KDM4D: variants seen among roughly 807,000 people sequenced by gnomAD.
KDM4D encodes lysine-specific demethylase 4D.
For missense variants in KDM4D, 427 were observed against 674.8 expected (o/e 0.63, Z 4.07); for synonymous variants, 254 against 249.1 (o/e 1.02, Z -0.19).
At chr11:94,987,844 T>G (rs1857901167) in intron 2 of KDM4D, among the ~76,000 whole-genome samples, 1 of 151,940 alleles carries the variant, frequency 6.6e-6, no homozygotes, top group Non-Finnish European at 1.5e-5. Flanking sequence ...TCCTGGAAAT[T>G]AAAAATAATT....
chr11:94,999,242 C>A lies in KDM4D; in HGVS notation c.*298C>A. On this transcript the variant is annotated 3_prime_UTR_variant, in exon 3 of 3. Coordinates refer to ENST00000335080, the MANE Select transcript of KDM4D (RefSeq NM_018039.3). ...GAGAACTAGGTCTTGTTGAGGTTAGCGTAACCTGGTATATGCAACTACCAT... is the reference window on the plus strand; with the variant it reads ...GAGAACTAGGTCTTGTTGAGGTTAGAGTAACCTGGTATATGCAACTACCAT... The A allele has an allele frequency of 4.1e-6, 1 of 241,838 alleles. No individual in the cohort carries two copies. Among genetic ancestry groups the A allele is most frequent in the African/African-American group, 2.3e-5 (1 of 44,180 alleles). The allele number at this position is 241,838 out of a possible 1,614,324, so 15.0% of individuals were successfully genotyped here. A position where few individuals can be genotyped will look rare whatever the true frequency, so the allele number is the denominator to read the frequency against.
chr11:94,990,572 C>T (rs1198495377), intron 2 of KDM4D, among the ~76,000 whole-genome samples: 2 of 152,128 alleles, frequency 1.3e-5, no homozygotes, highest in Admixed American at 1.3e-4. Context: ...CCAAACCTCA[C>T]TAAAGTGACA....
intron 1 of KDM4D, among the ~76,000 whole-genome samples, chr11:94,974,639 C>G (rs1276320050): frequency 6.6e-6 from 1 of 152,192 alleles, no homozygotes; most frequent in African/African-American, 2.4e-5. Flanking sequence ...CTTAACAAGT[C>G]TCACTAAAAG....
intron 2 of KDM4D, among the ~76,000 whole-genome samples, chr11:94,994,290 C>A (rs1857959165): frequency 6.6e-6 from 1 of 152,090 alleles, no homozygotes; most frequent in African/African-American, 2.4e-5. Context: ...GGAGAAAGAT[C>A]ATCAATTTGT....
Position 94,986,867 on chromosome 11 carries a change from T to A in KDM4D, c.-349-10157T>A, listed in dbSNP as rs587699572. 3.3e-5 allele frequency among the ~76,000 whole-genome samples: 5 copies of A among 152,334 alleles called. No homozygotes were observed. In the East Asian group the frequency reaches 9.6e-4, roughly 29 times the overall value. On this transcript the variant is annotated intron_variant, in intron 2 of 2. Transcript: ENST00000335080. ...GTTCACACATAAACTTGTACATGAATGTTCATAACAGTATTATTCGTAATA... is the reference window on the plus strand; with the variant it reads ...GTTCACACATAAACTTGTACATGAAAGTTCATAACAGTATTATTCGTAATA...
chr11:94,994,778 G>A (rs1857962895), intron 2 of KDM4D, among the ~76,000 whole-genome samples: 1 of 151,830 alleles, frequency 6.6e-6, no homozygotes, highest in African/African-American at 2.4e-5. Context: ...GGCAGGACCT[G>A]GGGTTGGGTG....
chr11:94,985,828 C>G (rs2134111785), intron 2 of KDM4D, among the ~76,000 whole-genome samples: 1 of 152,220 alleles, frequency 6.6e-6, no homozygotes, highest in African/African-American at 2.4e-5. Context: ...AGAAAGAAAA[C>G]AAATGGTGCT....
At chr11:94,975,085 G>A (rs1408702193) in intron 1 of KDM4D, among the ~76,000 whole-genome samples, 3 of 152,264 alleles carry the variant, frequency 2.0e-5, no homozygotes, top group African/African-American at 4.8e-5. Context: ...ACAGCCAAGT[G>A]GGCATTTCTG....
At position 94,998,473 on chromosome 11, in the gene KDM4D, C is replaced by T; in HGVS notation, c.1101C>T (p.Pro367=). Residue 367 remains proline (P), a synonymous_variant, in exon 3 of 3, where the codon CCC becomes CCT. Transcript: ENST00000335080. This position sits in a 1 kb window ranked among gnomAD's most constrained non-coding sequence, Gnocchi z 6.7. ...GCACCCAGAAGGAAGTCCAGTTACC[C>T]AGGAGAGCAGCGCTGGGCCTGAGAC... The part of the protein sequence containing the change: ...ELSTQKEVQL[P]RRAALGLRQL... The T allele has an allele frequency of 6.2e-6, 10 of 1,612,766 alleles. No individual in the cohort carries two copies. The highest frequency in any genetic ancestry group is 8.5e-6 in the Non-Finnish European group (10 of 1,180,008).
intron 2 of KDM4D, among the ~76,000 whole-genome samples, chr11:94,980,794 C>T (rs1216315202): frequency 6.6e-6 from 1 of 152,164 alleles, no homozygotes; most frequent in Admixed American, 6.5e-5. Context: ...GCTAAGCTCT[C>T]TTATTAATTC....
At chr11:94,992,441 T>A (rs1857942826) in intron 2 of KDM4D, among the ~76,000 whole-genome samples, 1 of 151,960 alleles carries the variant, frequency 6.6e-6, no homozygotes, top group Non-Finnish European at 1.5e-5. Context: ...AGACTAATAT[T>A]TATGAAAAAA....
rs146033859 is a variant in KDM4D at position 94,984,654 on chromosome 11, G to A, written c.-350+8906G>A. 1.8e-3 allele frequency among the ~76,000 whole-genome samples: 256 copies of A among 146,162 alleles called. 1 individual carries two copies. Among genetic ancestry groups the A allele is most frequent in the African/African-American group, 6.1e-3 (241 of 39,320 alleles). On this transcript the variant is annotated intron_variant, in intron 2 of 2. Transcript: ENST00000335080. The stretch of plus-strand genomic sequence containing the variant: ...GCAGATCACCTGAGGTCAGGAGTTC[G>A]AGACCACCCTAACCAACATGGTGAA...
intron 2 of KDM4D, among the ~76,000 whole-genome samples, chr11:94,993,011 G>T (rs1857947998): frequency 6.6e-6 from 1 of 152,094 alleles, no homozygotes; most frequent in African/African-American, 2.4e-5. Flanking sequence ...TGAAGTAATA[G>T]ATTTGAAATA....
intron 2 of KDM4D, among the ~76,000 whole-genome samples, chr11:94,986,219 C>G (rs1406687513): frequency 6.6e-6 from 1 of 151,960 alleles, no homozygotes; most frequent in Non-Finnish European, 1.5e-5. Flanking sequence ...AGAAATTTCT[C>G]CAAATATATA....
At chr11:94,982,842 T>TA (rs1857853747) in intron 2 of KDM4D, among the ~76,000 whole-genome samples, 2 of 152,042 alleles carry the variant, frequency 1.3e-5, no homozygotes, top group South Asian at 4.1e-4. Context: ...GCTTCATTGA[T>TA]ATACATGCAA....
At chr11:94,977,213 A>T (rs1002113250) in intron 2 of KDM4D, among the ~76,000 whole-genome samples, 1 of 152,228 alleles carries the variant, frequency 6.6e-6, no homozygotes, top group Admixed American at 6.5e-5. Context: ...GGATTATCAC[A>T]TTACAGCATC....
chr11:94,997,072 C>T lies in KDM4D; in HGVS notation c.-301C>T, dbSNP rs1011426235. 1.7e-4 allele frequency: 39 copies of T among 233,426 alleles called. No homozygotes were observed. The highest frequency in any genetic ancestry group is 6.5e-5 in the Non-Finnish European group (8 of 122,202). The allele number at this position is 233,426 out of a possible 1,614,324, so 14.5% of individuals were successfully genotyped here. On this transcript the variant is annotated 5_prime_UTR_variant, in exon 3 of 3. Transcript: ENST00000335080. ...ATTCTCTGCTACATTTGGGTCGTAC[C>T]CCCAGGTCTGAGTAATTCAATAGAC...
chr11:94,978,880 A>G (rs1406762425), intron 2 of KDM4D, among the ~76,000 whole-genome samples: 2 of 152,188 alleles, frequency 1.3e-5, no homozygotes, highest in Non-Finnish European at 2.9e-5. Context: ...GAAAATTACT[A>G]TCGGACATGT....
At chr11:94,976,716 G>A (rs1009374234) in intron 2 of KDM4D, among the ~76,000 whole-genome samples, 1 of 152,086 alleles carries the variant, frequency 6.6e-6, no homozygotes, top group African/African-American at 2.4e-5. Context: ...ATGTAGTTTG[G>A]CCCTTGATTG....
Sources: gnomAD v4.1 joint callset for allele counts (sites outside exome capture counted in the v4.1 genomes callset) on GRCh38, gnomAD v4.1.1 for gene constraint, Gnocchi (gnomAD v3.1) non-coding constraint, MANE v1.5 for transcripts, NCBI Gene and HGNC (gene_info 2026-07-23, HGNC 2026-07-21) for gene names.